Variants in SV2B observed in about 807,000 individuals in gnomAD.
SV2B encodes the protein synaptic vesicle glycoprotein 2B.
In SV2B, 41 loss-of-function variants were observed where a neutral mutation model predicts 73.9. The observed-to-expected ratio is 0.56, with a 90% CI of 0.43 to 0.72. The LOEUF is 0.72. SV2B is among the 30% of genes least tolerant of loss of function. The pLI is 0.00. For missense variants in SV2B, 764 were observed against 857.8 expected (o/e 0.89, Z 1.37); for synonymous variants, 314 against 314.2 (o/e 1.00, Z 0.01).
At position 91,288,739 on chromosome 15, in the gene SV2B, G is replaced by A. The variant is rs913225216; in HGVS notation, c.1709-782G>A. 5.3e-5 allele frequency among the ~76,000 whole-genome samples: 8 copies of A among 151,332 alleles called. No individual in the cohort carries two copies. The highest frequency in any genetic ancestry group is 4.2e-4 in the South Asian group (2 of 4,790). On this transcript the variant is annotated intron_variant, in intron 11 of 12. Transcript: ENST00000394232. This position sits in a 1 kb window ranked among gnomAD's most constrained non-coding sequence, Gnocchi z 5.8. ...GTCACCCAGGCTGGAGTACAGTGGC[G>A]CCATCTCGGCTCACTGCAACCTCTG...
At chr15:91,194,000 T>TTTTG (rs1350731179) in intron 1 of SV2B, among the ~76,000 whole-genome samples, 2 of 151,666 alleles carry the variant, frequency 1.3e-5, no homozygotes, top group South Asian at 2.1e-4. Flanking sequence ...TAGAGGTTTT[T>TTTTG]TTTGTTTGTT....
In SV2B at chr15:91,137,569, A is replaced by AAT. The variant is rs142512543; in HGVS notation, c.-392+37221_-392+37222dup. Among the ~76,000 whole-genome samples the AAT allele has an allele frequency of 3.8e-3, 500 of 132,882 alleles. 4 individuals are homozygous for AAT. The highest frequency in any genetic ancestry group is 0.013 in the African/African-American group (461 of 36,744). The allele number at this position is 132,882 out of a possible 152,430, so 87.2% of individuals were successfully genotyped here. On this transcript the variant is annotated intron_variant, in intron 1 of 12. Coordinates refer to ENST00000394232, the MANE Select transcript of SV2B (RefSeq NM_001323032.3). The surrounding 1 kb of genome is among the most constrained non-coding windows in gnomAD (Gnocchi z 4.9). ...ACAGGACAAAACTAGGAAAATGTGA[A>AAT]ATATATATATATATATTTCTCATAT...
At position 91,240,997 on chromosome 15, in the gene SV2B, A is replaced by G. The variant is rs1176224013; in HGVS notation, c.452-10822A>G. ...TTGTCATCAGAGAGCATCACTTACT[A>G]CACATTCTTGTTGCAGTCATCCACT... On this transcript the variant is annotated intron_variant, in intron 2 of 12. Transcript: ENST00000394232. The surrounding 1 kb of genome is among the most constrained non-coding windows in gnomAD (Gnocchi z 4.6). Among the ~76,000 whole-genome samples the G allele has an allele frequency of 6.6e-6, 1 of 152,046 alleles. No individual in the cohort carries two copies. Among genetic ancestry groups the G allele is most frequent in the Non-Finnish European group, 1.5e-5 (1 of 68,004 alleles).
rs145489103 is a variant in SV2B at position 91,197,011 on chromosome 15, C to T, written c.-391-28862C>T. 7.3e-3 allele frequency among the ~76,000 whole-genome samples: 1,105 copies of T among 152,288 alleles called. 41 individuals carry two copies. Among genetic ancestry groups the T allele is most frequent in the Admixed American group, 0.065 (1,002 of 15,300 alleles). On this transcript the variant is annotated intron_variant, in intron 1 of 12. Transcript: ENST00000394232. This position sits in a 1 kb window ranked among gnomAD's most constrained non-coding sequence, Gnocchi z 4.9. ...AAGTTTATACCCACTTCCAGGGCCA[C>T]GGGGATTTTGCTCCTCTGTTGCTCC...
At chr15:91,208,027 G>C (rs773390798) in intron 1 of SV2B, among the ~76,000 whole-genome samples, 5 of 152,160 alleles carry the variant, frequency 3.3e-5, no homozygotes, top group Non-Finnish European at 5.9e-5. Context: ...GGGGAGAAGG[G>C]GGTCAGAGAA....
chr15:91,270,533 A>G (rs2048257726), intron 9 of SV2B, among the ~76,000 whole-genome samples: 1 of 152,222 alleles, frequency 6.6e-6, no homozygotes, highest in African/African-American at 2.4e-5. Context: ...TCTCATTGGG[A>G]AACTCTTCAT....
At chr15:91,271,218 G>C (rs2048308833) in intron 9 of SV2B, among the ~76,000 whole-genome samples, 1 of 148,084 alleles carries the variant, frequency 6.8e-6, no homozygotes, top group Admixed American at 6.7e-5. Flanking sequence ...TGGATGACTA[G>C]ATGCCTCTCC....
intron 1 of SV2B, among the ~76,000 whole-genome samples, chr15:91,213,364 C>T (rs1022482711): frequency 1.3e-5 from 2 of 152,090 alleles, no homozygotes; most frequent in African/African-American, 4.8e-5. Context: ...TTTGGTATAG[C>T]AGGTGAGTTT....
At position 91,115,537 on chromosome 15, in the gene SV2B, A is replaced by ATTTTT. The variant is rs55894252; in HGVS notation, c.-392+15181_-392+15185dup. Among the ~76,000 whole-genome samples the ATTTTT allele has an allele frequency of 6.9e-6, 1 of 144,624 alleles. No homozygotes were observed. Among genetic ancestry groups the ATTTTT allele is most frequent in the Non-Finnish European group, 1.5e-5 (1 of 65,498 alleles). The allele number at this position is 144,624 out of a possible 152,430, so 94.9% of individuals were successfully genotyped here. The stretch of plus-strand genomic sequence containing the variant: ...CAGGCACCCACCATCATGCCTGGCT[A>ATTTTT]TTTTTTTTTTTGTATTTTTAGTAGA... On this transcript the variant is annotated intron_variant, in intron 1 of 12. Coordinates refer to ENST00000394232, the MANE Select transcript of SV2B (RefSeq NM_001323032.3). The surrounding 1 kb of genome is among the most constrained non-coding windows in gnomAD (Gnocchi z 4.3).
At chr15:91,209,944 C>G (rs1025341159) in intron 1 of SV2B, among the ~76,000 whole-genome samples, 1 of 152,154 alleles carries the variant, frequency 6.6e-6, no homozygotes, top group African/African-American at 2.4e-5. Flanking sequence ...ACACATTACC[C>G]TTTTCTAATT....
Position 91,137,598 on chromosome 15 carries a change from T to C in SV2B, c.-392+37235T>C, listed in dbSNP as rs1366862023. ...TATATATATATATTTCTCATATATA[T>C]ATATATTTCATATATATATTTCATA... On this transcript the variant is annotated intron_variant, in intron 1 of 12. Transcript: ENST00000394232. This position sits in a 1 kb window ranked among gnomAD's most constrained non-coding sequence, Gnocchi z 4.9. 2.8e-5 allele frequency among the ~76,000 whole-genome samples: 4 copies of C among 143,688 alleles called. No homozygotes were observed. The South Asian group carries it at 6.5e-4, about 23-fold the overall frequency. 94.3% of individuals were successfully genotyped at this position (143,688 alleles called of 152,430 possible).
chr15:91,255,206 C>T lies in SV2B; in HGVS notation c.784+2686C>T, dbSNP rs1266838366. ...TCTAAGTGTGTGACTTCTAGGAAAGCAATAAAAGAATTCAGGTTGGGGACA... is the reference window on the plus strand; with the variant it reads ...TCTAAGTGTGTGACTTCTAGGAAAGTAATAAAAGAATTCAGGTTGGGGACA... On this transcript the variant is annotated intron_variant, in intron 4 of 12. Coordinates refer to ENST00000394232, the MANE Select transcript of SV2B (RefSeq NM_001323032.3). Among the ~76,000 whole-genome samples the T allele has an allele frequency of 2.0e-5, 3 of 152,134 alleles. No individual in the cohort carries two copies. In the East Asian group the frequency reaches 5.8e-4, roughly 29 times the overall value.
At position 91,223,918 on chromosome 15, in the gene SV2B, C is replaced by G. The variant is rs538207688; in HGVS notation, c.-391-1955C>G. ...TGCAGATTGCAGGGCCCTGCCCTAT[C>G]CTGCAGATTCAGTGTCTTTCAGGGA... On this transcript the variant is annotated intron_variant, in intron 1 of 12. Coordinates refer to ENST00000394232, the MANE Select transcript of SV2B (RefSeq NM_001323032.3). The surrounding 1 kb of genome is among the most constrained non-coding windows in gnomAD (Gnocchi z 4.6). 6.6e-6 allele frequency among the ~76,000 whole-genome samples: 1 copy of G among 152,346 alleles called. No homozygotes were observed. Among genetic ancestry groups the G allele is most frequent in the African/African-American group, 2.4e-5 (1 of 41,582 alleles).
chr15:91,269,232 G>A (rs1052908749), intron 9 of SV2B, among the ~76,000 whole-genome samples: 3 of 152,128 alleles, frequency 2.0e-5, no homozygotes, highest in Non-Finnish European at 4.4e-5. Context: ...CATCCGCCCT[G>A]TTGTGCTTTA....
chr15:91,295,601 G>A lies in SV2B; in HGVS notation c.*3049G>A, dbSNP rs1265250179. The A allele has an allele frequency of 1.3e-4, 20 of 152,176 alleles. No homozygotes were observed. The highest frequency in any genetic ancestry group is 1.3e-3 in the Admixed American group (20 of 15,274). 9.4% of individuals were successfully genotyped at this position (152,176 alleles called of 1,614,324 possible). On this transcript the variant is annotated 3_prime_UTR_variant, in exon 13 of 13. Coordinates refer to ENST00000394232, the MANE Select transcript of SV2B (RefSeq NM_001323032.3). ...TGTAATGTGAGGAGTGGGCGAGAAG[G>A]CCTAAGGTGATGCTCTCATGACAGT... is the stretch of plus-strand genomic sequence containing the variant.
chr15:91,101,078 T>C (rs147488529), intron 1 of SV2B, among the ~76,000 whole-genome samples: 1 of 152,316 alleles, frequency 6.6e-6, no homozygotes, highest in Admixed American at 6.5e-5. Flanking sequence ...AAATTACAGA[T>C]GCAAATTACT....
intron 1 of SV2B, among the ~76,000 whole-genome samples, chr15:91,208,032 A>G (rs1007243292): frequency 1.3e-5 from 2 of 152,214 alleles, no homozygotes; most frequent in Non-Finnish European, 2.9e-5. Flanking sequence ...GAAGGGGGTC[A>G]GAGAAGGCAG....
Position 91,220,639 on chromosome 15 carries a change from G to A in SV2B, c.-391-5234G>A, listed in dbSNP as rs111278621. 0.017 allele frequency among the ~76,000 whole-genome samples: 2,522 copies of A among 152,272 alleles called. 69 individuals are homozygous for A. The highest frequency in any genetic ancestry group is 0.058 in the African/African-American group (2,416 of 41,552). On this transcript the variant is annotated intron_variant, in intron 1 of 12. Coordinates refer to ENST00000394232, the MANE Select transcript of SV2B (RefSeq NM_001323032.3). This position sits in a 1 kb window ranked among gnomAD's most constrained non-coding sequence, Gnocchi z 4.1. Reference sequence around the variant, plus strand: ...ATGCGGAGGCTAATAGAATGTAAAAGTTAAAGGAGGATGCTTAAGAGGTTA... The same window carrying A: ...ATGCGGAGGCTAATAGAATGTAAAAATTAAAGGAGGATGCTTAAGAGGTTA...
At chr15:91,116,201 A>G (rs1250205739) in intron 1 of SV2B, among the ~76,000 whole-genome samples, 1 of 152,210 alleles carries the variant, frequency 6.6e-6, no homozygotes, top group African/African-American at 2.4e-5. Context: ...GTTGAAGAGT[A>G]AAAAATCCAT....
Sources: gnomAD v4.1 joint callset for allele counts (sites outside exome capture counted in the v4.1 genomes callset) on GRCh38, gnomAD v4.1.1 for gene constraint, Gnocchi (gnomAD v3.1) non-coding constraint, MANE v1.5 for transcripts, NCBI Gene and HGNC (gene_info 2026-07-23, HGNC 2026-07-21) for gene names.